FMNL2: variants seen among roughly 807,000 people sequenced by gnomAD.
The protein encoded by FMNL2 is formin like 2.
A neutral mutation model predicts 130.2 loss-of-function variants in FMNL2; 51 were observed. The observed-to-expected ratio is 0.39, with a 90% CI of 0.31 to 0.49. The LOEUF (loss-of-function observed/expected upper bound fraction) is 0.49, where lower values mean the gene tolerates loss of function less well. FMNL2 is among the 20% of genes least tolerant of loss of function. The pLI is 0.85. For synonymous variants in FMNL2, 465 were observed against 467.1 expected, an observed-to-expected ratio of 1.00 and a Z score of 0.06; for missense variants, 977 against 1,316.2, an observed-to-expected ratio of 0.74 and a Z score of 3.99.
intron 4 of FMNL2, among the ~76,000 whole-genome samples, chr2:152,554,211 A>G (rs1695089020): frequency 6.6e-6 from 1 of 152,172 alleles, no homozygotes; most frequent in African/African-American, 2.4e-5. Context: ...GTTTGAGACC[A>G]GCCTGGGTAA....
intron 15 of FMNL2, among the ~76,000 whole-genome samples, chr2:152,622,207 A>G (rs1339896599): frequency 1.3e-5 from 2 of 152,168 alleles, no homozygotes; most frequent in Non-Finnish European, 2.9e-5. Flanking sequence ...GATCCTCACA[A>G]TGCGAATTTG....
At chr2:152,359,529 G>A (rs971822563) in intron 1 of FMNL2, among the ~76,000 whole-genome samples, 4 of 151,228 alleles carry the variant, frequency 2.6e-5, no homozygotes, top group African/African-American at 2.5e-5. Flanking sequence ...AGGAACTAGG[G>A]AGAGTCAGGC....
intron 1 of FMNL2, among the ~76,000 whole-genome samples, chr2:152,498,501 T>G (rs1395285334): frequency 2.6e-5 from 4 of 152,204 alleles, no homozygotes; most frequent in Non-Finnish European, 5.9e-5. Context: ...TTTAAGGATA[T>G]TCTTGAACCC....
intron 1 of FMNL2, among the ~76,000 whole-genome samples, chr2:152,414,731 C>G (rs768423554): frequency 6.6e-6 from 1 of 152,170 alleles, no homozygotes; most frequent in Admixed American, 6.6e-5. Context: ...AAGCTCAAGT[C>G]TTTACAACTC....
intron 1 of FMNL2, among the ~76,000 whole-genome samples, chr2:152,509,668 T>C (rs1692380952): frequency 6.9e-6 from 1 of 144,316 alleles, no homozygotes; most frequent in African/African-American, 2.6e-5. Flanking sequence ...AGAAGGTGAG[T>C]GGGATGGTAG....
intron 15 of FMNL2, chr2:152,621,000 G>A: frequency 1.0e-6 from 1 of 985,410 alleles, no homozygotes; most frequent in Non-Finnish European, 1.2e-6. Flanking sequence ...TTGGAGCAGA[G>A]TCATCGTGGA....
chr2:152,392,590 G>A (rs1243452320), intron 1 of FMNL2, among the ~76,000 whole-genome samples: 1 of 152,168 alleles, frequency 6.6e-6, no homozygotes, highest in Non-Finnish European at 1.5e-5. Flanking sequence ...GAAGGCATAA[G>A]TGCAAGTCAT....
intron 1 of FMNL2, 55 bp downstream of exon 1, chr2:152,335,775 G>T (rs932839846): frequency 6.7e-5 from 86 of 1,277,824 alleles, no homozygotes; most frequent in Non-Finnish European, 9.0e-5. Flanking sequence ...GCCGGGCGGC[G>T]CAGCTGACCC....
intron 1 of FMNL2, among the ~76,000 whole-genome samples, chr2:152,515,962 C>T (rs765868240): frequency 7.2e-5 from 11 of 152,204 alleles, no homozygotes; most frequent in South Asian, 4.1e-4. Context: ...TAAGATCACC[C>T]GTAATTAGTA....
At chr2:152,467,378 A>G (rs1329328119) in intron 1 of FMNL2, among the ~76,000 whole-genome samples, 2 of 152,152 alleles carry the variant, frequency 1.3e-5, no homozygotes, top group Non-Finnish European at 2.9e-5. Context: ...CAAACTTAAT[A>G]AATACCGTAT....
intron 1 of FMNL2, among the ~76,000 whole-genome samples, chr2:152,468,868 C>T (rs551783388): frequency 1.2e-3 from 177 of 152,252 alleles, no homozygotes; most frequent in Middle Eastern, 3.4e-3. Flanking sequence ...GGCTAGAGAA[C>T]TCATTCAATG....
intron 2 of FMNL2, among the ~76,000 whole-genome samples, chr2:152,534,642 A>G: frequency 6.7e-6 from 1 of 148,872 alleles, no homozygotes; most frequent in Non-Finnish European, 1.5e-5. Context: ...TGTATGATAC[A>G]TGACCATCTC....
chr2:152,629,562 C>A, intron 18 of FMNL2, 94 bp from the exon 19 acceptor site: 2 of 1,124,556 alleles, frequency 1.8e-6, no homozygotes, highest in Non-Finnish European at 2.6e-6. Context: ...TAAATGCAGG[C>A]CTGTTTTCTT....
At chr2:152,467,894 G>GT (rs769479619) in intron 1 of FMNL2, among the ~76,000 whole-genome samples, 76 of 152,178 alleles carry the variant, frequency 5.0e-4, no homozygotes, top group African/African-American at 1.7e-3. Flanking sequence ...AAATAACTTG[G>GT]TTAGGTAGGT....
At chr2:152,531,651 T>C (rs1693705768) in intron 2 of FMNL2, among the ~76,000 whole-genome samples, 1 of 151,938 alleles carries the variant, frequency 6.6e-6, no homozygotes, top group Non-Finnish European at 1.5e-5. Context: ...AATTTTTGTA[T>C]ATTTAGTAAA....
At chr2:152,417,656 C>T (rs1579616135) in intron 1 of FMNL2, among the ~76,000 whole-genome samples, 1 of 152,226 alleles carries the variant, frequency 6.6e-6, no homozygotes, top group East Asian at 1.9e-4. Context: ...TGTATATCCC[C>T]TTTTGCTCTG....
At chr2:152,423,701 C>T (rs899335349) in intron 1 of FMNL2, among the ~76,000 whole-genome samples, 1 of 152,120 alleles carries the variant, frequency 6.6e-6, no homozygotes, top group Admixed American at 6.5e-5. Context: ...GCAAAACATG[C>T]TTTGATGGAC....
rs530881404 is a variant in FMNL2, at chr2:152,517,177, G to A, written c.118-4766G>A. Among the ~76,000 whole-genome samples, 66 of 130,480 alleles carry A rather than the reference G, an allele frequency of 5.1e-4. No individual in the cohort carries two copies. In the East Asian group the frequency reaches 0.018, roughly 35 times the overall value. 85.6% of individuals were successfully genotyped at this position (130,480 alleles called of 152,430 possible). A position where few individuals can be genotyped will look rare whatever the true frequency, so the allele number is the denominator to read the frequency against. ...CTAGAATTGAAGATTTTTTTCCCCC[G>A]TGAGTTTTTTTTGGAAAATAATAAG... On this transcript the variant is annotated intron_variant, in intron 1 of 25. Transcript: ENST00000288670.
chr2:152,488,341 C>T (rs1439813386), intron 1 of FMNL2, among the ~76,000 whole-genome samples: 2 of 152,190 alleles, frequency 1.3e-5, no homozygotes, highest in Non-Finnish European at 2.9e-5. Context: ...ACCCTTAGTG[C>T]AAGCAAGTCC....
Sources: allele counts gnomAD v4.1 joint callset (sites outside exome capture counted in the v4.1 genomes callset), GRCh38; gene constraint gnomAD v4.1.1; transcripts MANE v1.5; gene names NCBI Gene and HGNC (gene_info 2026-07-23, HGNC 2026-07-21).